The following ZNF717 variants were observed in gnomAD, a reference collection of about 807,000 sequenced individuals.
ZNF717 encodes krueppel-like factor X17.
A neutral mutation model predicts 13.8 loss-of-function variants in ZNF717; 9 were observed. The observed-to-expected ratio is 0.65, with a 90% CI of 0.39 to 1.14. ZNF717 has a LOEUF of 1.14. Ranked by LOEUF, ZNF717 falls within the 50% of genes most tolerant of loss-of-function variation. The probability of loss-of-function intolerance (pLI) is 0.01; values close to 1 mark genes in which losing one functional copy is unlikely to be tolerated. For missense variants in ZNF717, 1,040 were observed against 1,080.7 expected (o/e 0.96, Z 0.53); for synonymous variants, 327 against 364.1 (o/e 0.90, Z 1.16).
At chr3:75,711,821 G>A (rs1294701278) in intron 5 of ZNF717, among the ~76,000 whole-genome samples, 2 of 152,204 alleles carry the variant, frequency 1.3e-5, no homozygotes, top group Admixed American at 1.3e-4. Context: ...TTGGACTACA[G>A]CAGATTGCAA....
intron 6 of ZNF717, among the ~76,000 whole-genome samples, chr3:75,703,740 T>G (rs1183375822): frequency 6.6e-6 from 1 of 152,312 alleles, no homozygotes; most frequent in Non-Finnish European, 1.5e-5. Context: ...ACAAAGTTCC[T>G]AAGAAATACA....
intron 6 of ZNF717, among the ~76,000 whole-genome samples, chr3:75,695,732 C>T (rs202011550): frequency 9.2e-5 from 14 of 152,020 alleles, no homozygotes; most frequent in African/African-American, 2.9e-4. Context: ...ATTAGTAGGT[C>T]GATAAAAAAG....
intron 2 of ZNF717, among the ~76,000 whole-genome samples, chr3:75,782,762 G>A (rs962364623): frequency 5.3e-5 from 8 of 152,116 alleles, no homozygotes; most frequent in Admixed American, 2.0e-4. Flanking sequence ...TTTAGCGGAC[G>A]ATGACCGTTT....
chr3:75,721,116 A>C (rs1938158430), intron 4 of ZNF717, among the ~76,000 whole-genome samples: 1 of 152,228 alleles, frequency 6.6e-6, no homozygotes, highest in Admixed American at 6.5e-5. Flanking sequence ...ATATAAAGTT[A>C]ATATAATTTA....
chr3:75,700,277 C>T (rs1937663617), intron 6 of ZNF717, among the ~76,000 whole-genome samples: 5 of 152,296 alleles, frequency 3.3e-5, no homozygotes, highest in Admixed American at 6.5e-5. Flanking sequence ...GCCTGTAATC[C>T]CAGCTACTCA....
chr3:75,741,429 G>T, intron 3 of ZNF717, 61 bp from the exon 4 acceptor site: 2 of 1,416,980 alleles, frequency 1.4e-6, no homozygotes, highest in Non-Finnish European at 1.9e-6. Context: ...TTTTCAGAAT[G>T]ACGACAGCTG....
intron 2 of ZNF717, among the ~76,000 whole-genome samples, chr3:75,752,551 T>C (rs1236967629): frequency 6.7e-6 from 1 of 149,702 alleles, no homozygotes; most frequent in African/African-American, 2.5e-5. Context: ...TGAATGTCCC[T>C]CACATAGGAT....
chr3:75,714,187 A>G (rs1559570371), intron 5 of ZNF717, among the ~76,000 whole-genome samples: 1 of 150,994 alleles, frequency 6.6e-6, no homozygotes, highest in Non-Finnish European at 1.5e-5. Context: ...CAGGCCCTCC[A>G]CAAGAGGTGG....
chr3:75,716,210 A>G (rs1355860229), intron 5 of ZNF717, among the ~76,000 whole-genome samples: 8 of 149,176 alleles, frequency 5.4e-5, no homozygotes, highest in African/African-American at 1.2e-4. Flanking sequence ...TGATCTCTTG[A>G]CCTCCTGATC....
At chr3:75,721,807 A>G (rs1279131484) in intron 4 of ZNF717, among the ~76,000 whole-genome samples, 3 of 151,664 alleles carry the variant, frequency 2.0e-5, no homozygotes, top group Non-Finnish European at 4.4e-5. Context: ...TGAGTTTTGC[A>G]GCCACTTTGT....
chr3:75,776,750 T>C (rs1266481848), intron 2 of ZNF717, among the ~76,000 whole-genome samples: 1 of 152,230 alleles, frequency 6.6e-6, no homozygotes, highest in Non-Finnish European at 1.5e-5. Flanking sequence ...CAGAAGAAGA[T>C]GGCATCCTTA....
chr3:75,774,213 A>G (rs548285970), intron 2 of ZNF717, among the ~76,000 whole-genome samples: 26 of 151,146 alleles, frequency 1.7e-4, no homozygotes, highest in African/African-American at 6.1e-4. Flanking sequence ...AGGAAAAACA[A>G]GAGGCAGATT....
chr3:75,716,891 A>T (rs1938066450), intron 4 of ZNF717, among the ~76,000 whole-genome samples: 3 of 152,198 alleles, frequency 2.0e-5, no homozygotes, highest in Non-Finnish European at 2.9e-5. Context: ...CATCCAAAGG[A>T]TCCACCTCAC....
At chr3:75,769,987 A>C (rs1181986653) in intron 2 of ZNF717, among the ~76,000 whole-genome samples, 2 of 152,216 alleles carry the variant, frequency 1.3e-5, no homozygotes, top group Non-Finnish European at 2.9e-5. Flanking sequence ...AAAATATGAC[A>C]ATGTGCTTCT....
intron 2 of ZNF717, among the ~76,000 whole-genome samples, chr3:75,761,976 C>G (rs1384917736): frequency 6.6e-6 from 1 of 151,574 alleles, no homozygotes; most frequent in Non-Finnish European, 1.5e-5. Flanking sequence ...ATTGCTTGAA[C>G]TTGGAAGGTG....
chr3:75,730,763 T>C (rs1217882209), intron 5 of ZNF717: 3 of 575,596 alleles, frequency 5.2e-6, no homozygotes, highest in Non-Finnish European at 9.1e-6. Context: ...AAATAGACTG[T>C]TAAAACCAAG....
In ZNF717 at chr3:75,741,687, C is replaced by G; in HGVS notation, c.107G>C (p.Trp36Ser). 3.1e-6 allele frequency: 4 copies of G among 1,273,042 alleles called. No individual in the cohort carries two copies. Among genetic ancestry groups the G allele is most frequent in the Non-Finnish European group, 4.2e-6 (4 of 963,346 alleles). The allele number at this position is 1,273,042 out of a possible 1,614,324, so 78.9% of individuals were successfully genotyped here. ...CCTCTGAGCATCATCCAGGTCCTGCCACTCCTCCCAGGTGAAGTGCACAGC... is the reference window on the plus strand; with the variant it reads ...CCTCTGAGCATCATCCAGGTCCTGCGACTCCTCCCAGGTGAAGTGCACAGC... Reference protein sequence around the residue: ...EVAVHFTWEEWQDLDDAQRTL... With the variant: ...EVAVHFTWEESQDLDDAQRTL... The change falls in exon 3 of 5, where the codon TGG (tryptophan) becomes TCG (serine). Residue 36 changes from tryptophan to serine, a missense_variant. Trp to Ser is a radical substitution (Grantham distance 177). Coordinates refer to ENST00000652011, the MANE Select transcript of ZNF717 (RefSeq NM_001290208.3).
intron 4 of ZNF717, among the ~76,000 whole-genome samples, chr3:75,723,033 T>C (rs139201619): frequency 1.3e-5 from 2 of 150,684 alleles, no homozygotes; most frequent in African/African-American, 2.5e-5. Flanking sequence ...AAATATTGGT[T>C]CATCGAATAA....
chr3:75,766,971 G>C (rs1437097644), intron 2 of ZNF717, among the ~76,000 whole-genome samples: 1 of 152,250 alleles, frequency 6.6e-6, no homozygotes, highest in Non-Finnish European at 1.5e-5. Context: ...GTAGACTAAA[G>C]GTGACAACTT....
Sources: allele counts gnomAD v4.1 joint callset (sites outside exome capture counted in the v4.1 genomes callset), GRCh38; gene constraint gnomAD v4.1.1; transcripts MANE v1.5; gene names NCBI Gene and HGNC (gene_info 2026-07-23, HGNC 2026-07-21).